The following GPC5 variants were observed in gnomAD, a reference collection of about 807,000 sequenced individuals.
GPC5 encodes glypican 5.
GPC5 carries 47 observed loss-of-function variants against 53.9 expected under a neutral mutation model. The ratio of observed to expected loss-of-function variants is 0.87; its 90% CI spans 0.69 to 1.11. The LOEUF is 1.11. Among genes scored for constraint, GPC5 ranks in the 50% most tolerant of loss-of-function variants. GPC5 has a pLI of 0.00. For synonymous variants in GPC5, 286 were observed against 263.3 expected (o/e 1.09, Z -0.84); for missense variants, 748 against 713.1 (o/e 1.05, Z -0.56).
intron 7 of GPC5, among the ~76,000 whole-genome samples, chr13:92,557,382 T>G (rs1176408232): frequency 6.6e-6 from 1 of 151,904 alleles, no homozygotes; most frequent in Non-Finnish European, 1.5e-5. Context: ...TTTTATAAGA[T>G]CAAACTTTGT....
At chr13:91,604,320 T>C (rs1390909747) in intron 2 of GPC5, among the ~76,000 whole-genome samples, 50 of 147,802 alleles carry the variant, frequency 3.4e-4, no homozygotes, top group Admixed American at 1.4e-4. Flanking sequence ...CCATGGTGTA[T>C]ATGTGCCACA....
At chr13:92,602,981 G>A (rs541870217) in intron 7 of GPC5, among the ~76,000 whole-genome samples, 18 of 152,082 alleles carry the variant, frequency 1.2e-4, no homozygotes, top group African/African-American at 3.9e-4. Context: ...TGATTCCTCC[G>A]GTAAGTTGGG....
At chr13:92,662,960 C>T (rs1380496601) in intron 7 of GPC5, among the ~76,000 whole-genome samples, 2 of 152,166 alleles carry the variant, frequency 1.3e-5, no homozygotes, top group Admixed American at 6.5e-5. Flanking sequence ...TTAGGTTCTG[C>T]TTCTGGAAAA....
intron 7 of GPC5, among the ~76,000 whole-genome samples, chr13:92,231,623 T>C (rs770606304): frequency 2.7e-5 from 4 of 148,756 alleles, no homozygotes; most frequent in Non-Finnish European, 4.4e-5. Flanking sequence ...CATATTCTTC[T>C]AGGCTTTGTC....
chr13:92,069,438 G>A (rs1363021573), intron 6 of GPC5, among the ~76,000 whole-genome samples: 1 of 151,618 alleles, frequency 6.6e-6, no homozygotes, highest in Non-Finnish European at 1.5e-5. Context: ...GTGTGTGTGT[G>A]TGTGTGTGTA....
At chr13:91,868,036 T>C (rs1439018896) in intron 5 of GPC5, among the ~76,000 whole-genome samples, 3 of 152,090 alleles carry the variant, frequency 2.0e-5, no homozygotes, top group Admixed American at 2.0e-4. Flanking sequence ...TACAGGAAAA[T>C]GGTGTGTTTA....
At chr13:91,971,290 T>C (rs1305941504) in intron 6 of GPC5, among the ~76,000 whole-genome samples, 1 of 152,190 alleles carries the variant, frequency 6.6e-6, no homozygotes, top group Admixed American at 6.5e-5. Context: ...GTCGTTTGTA[T>C]TTCTGTGGGA....
intron 7 of GPC5, among the ~76,000 whole-genome samples, chr13:92,587,929 T>G (rs1282041273): frequency 2.0e-5 from 3 of 152,120 alleles, no homozygotes; most frequent in African/African-American, 2.4e-5. Context: ...TTTTGTTACT[T>G]TAAGTTCTGG....
At chr13:92,685,633 A>G (rs965195195) in intron 7 of GPC5, among the ~76,000 whole-genome samples, 1 of 119,958 alleles carries the variant, frequency 8.3e-6, no homozygotes, top group African/African-American at 3.4e-5. Context: ...ACATATGTAT[A>G]CATGTGCCAT....
intron 7 of GPC5, among the ~76,000 whole-genome samples, chr13:92,516,686 A>C (rs1420521319): frequency 6.6e-6 from 1 of 152,128 alleles, no homozygotes; most frequent in East Asian, 1.9e-4. Context: ...TGATTCCCAA[A>C]TGTGTATTTC....
intron 7 of GPC5, among the ~76,000 whole-genome samples, chr13:92,851,394 GCT>G (rs1878795105): frequency 6.6e-6 from 1 of 151,990 alleles, no homozygotes; most frequent in Non-Finnish European, 1.5e-5. Context: ...CAGGCAAGAC[GCT>G]GGAAGAGTCT....
At chr13:92,762,132 T>C (rs1875204461) in intron 7 of GPC5, among the ~76,000 whole-genome samples, 1 of 152,088 alleles carries the variant, frequency 6.6e-6, no homozygotes, top group Non-Finnish European at 1.5e-5. Context: ...AAATCCAGCA[T>C]ACTCTAATAC....
Position 91,902,352 on chromosome 13 carries a change from C to G in GPC5, c.1281-5585C>G, listed in dbSNP as rs138298302. 3.0e-3 allele frequency among the ~76,000 whole-genome samples: 455 copies of G among 152,112 alleles called. 1 individual carries two copies. Among genetic ancestry groups the G allele is most frequent in the Non-Finnish European group, 4.7e-3 (320 of 67,950 alleles). ...TTTTATATGTTCAACAGAGAGGGAA[C>G]TAAGATCTTGTTATCATCATTTAAA... is the stretch of plus-strand genomic sequence containing the variant. On this transcript the variant is annotated intron_variant, in intron 5 of 7. Coordinates refer to ENST00000377067, the MANE Select transcript of GPC5 (RefSeq NM_004466.6).
intron 5 of GPC5, among the ~76,000 whole-genome samples, chr13:91,890,577 G>A (rs1279200707): frequency 2.0e-5 from 3 of 152,182 alleles, no homozygotes; most frequent in Admixed American, 6.5e-5. Context: ...AGGCTTCCTG[G>A]AGTCCATTAC....
intron 1 of GPC5, among the ~76,000 whole-genome samples, chr13:91,410,529 G>A (rs112953886): frequency 0.16 from 24,332 of 151,180 alleles, 2,047 homozygotes; most frequent in Admixed American, 0.22. Flanking sequence ...TGTATTTTTA[G>A]TAGAGACGGG....
chr13:91,847,075 C>T (rs1325570033), intron 5 of GPC5, among the ~76,000 whole-genome samples: 4 of 151,564 alleles, frequency 2.6e-5, no homozygotes, highest in East Asian at 2.0e-4. Context: ...AAAAATTAGC[C>T]GGGTGCGGTG....
intron 2 of GPC5, among the ~76,000 whole-genome samples, chr13:91,594,541 A>G (rs569298499): frequency 1.3e-5 from 2 of 152,314 alleles, no homozygotes; most frequent in African/African-American, 4.8e-5. Context: ...TTACTTAGTA[A>G]TTTAGTTTTA....
At chr13:91,403,472 G>A (rs1262654067) in intron 1 of GPC5, among the ~76,000 whole-genome samples, 2 of 152,130 alleles carry the variant, frequency 1.3e-5, no homozygotes, top group African/African-American at 4.8e-5. Context: ...GATTAAGGTG[G>A]GGTAGTTGTC....
intron 2 of GPC5, among the ~76,000 whole-genome samples, chr13:91,515,784 G>GTTTTCACGCT (rs1885466750): frequency 1.3e-4 from 1 of 7,856 alleles, no homozygotes; most frequent in African/African-American, 1.3e-4. Flanking sequence ...ATCTGTTTTA[G>GTTTTCACGCT]TCTGTTTTCA....
Sources: gnomAD v4.1 joint callset for allele counts (sites outside exome capture counted in the v4.1 genomes callset) on GRCh38, gnomAD v4.1.1 for gene constraint, MANE v1.5 for transcripts, NCBI Gene and HGNC (gene_info 2026-07-23, HGNC 2026-07-21) for gene names.